The following GPC5 variants were observed in gnomAD, a reference collection of about 807,000 sequenced individuals.
GPC5 encodes the protein glypican-5.
A neutral mutation model predicts 53.9 loss-of-function variants in GPC5; 47 were observed. The ratio of observed to expected loss-of-function variants is 0.87; its 90% confidence interval spans 0.69 to 1.11. The LOEUF (loss-of-function observed/expected upper bound fraction) is 1.11. GPC5 is among the 50% of genes most tolerant of loss of function. GPC5 has a pLI of 0.00. For synonymous variants in GPC5, 286 were observed against 263.3 expected, an observed-to-expected ratio of 1.09 and a Z score of -0.84; for missense variants, 748 against 713.1, an observed-to-expected ratio of 1.05 and a Z score of -0.56.
intron 2 of GPC5, among the ~76,000 whole-genome samples, chr13:91,594,017 A>G (rs1283890102): frequency 6.6e-6 from 1 of 152,056 alleles, no homozygotes; most frequent in African/African-American, 2.4e-5. Context: ...TTCATTTATT[A>G]TGTAATTACC....
At chr13:92,091,383 A>C (rs1347020187) in intron 6 of GPC5, among the ~76,000 whole-genome samples, 1 of 152,160 alleles carries the variant, frequency 6.6e-6, no homozygotes, top group Admixed American at 6.5e-5. Flanking sequence ...TTTCTAATAC[A>C]TCCATATATA....
At chr13:92,398,225 C>T (rs1201105936) in intron 7 of GPC5, among the ~76,000 whole-genome samples, 1 of 151,378 alleles carries the variant, frequency 6.6e-6, no homozygotes, top group Non-Finnish European at 1.5e-5. Flanking sequence ...GTCAGGAGAT[C>T]GAGACCATCC....
intron 2 of GPC5, among the ~76,000 whole-genome samples, chr13:91,664,834 T>G (rs553988789): frequency 1.3e-5 from 2 of 152,348 alleles, no homozygotes; most frequent in African/African-American, 4.8e-5. Flanking sequence ...CAAGCTTTGC[T>G]TATACTCCTT....
At chr13:91,990,953 C>T (rs936219466) in intron 6 of GPC5, among the ~76,000 whole-genome samples, 1 of 152,116 alleles carries the variant, frequency 6.6e-6, no homozygotes, top group African/African-American at 2.4e-5. Context: ...ATTGTGTTTA[C>T]CGAAATTATG....
At chr13:92,333,962 C>A (rs1216268046) in intron 7 of GPC5, among the ~76,000 whole-genome samples, 3 of 151,698 alleles carry the variant, frequency 2.0e-5, no homozygotes, top group Admixed American at 6.6e-5. Flanking sequence ...ACAAAACAAA[C>A]AAAAAAACCA....
intron 7 of GPC5, among the ~76,000 whole-genome samples, chr13:92,699,894 T>C (rs1012352697): frequency 2.0e-5 from 3 of 152,214 alleles, no homozygotes; most frequent in Admixed American, 2.0e-4. Context: ...CTGAGAAGAA[T>C]GTATATTCTG....
At chr13:91,452,138 C>A (rs1403878760) in intron 2 of GPC5, among the ~76,000 whole-genome samples, 2 of 151,988 alleles carry the variant, frequency 1.3e-5, no homozygotes, top group Non-Finnish European at 2.9e-5. Context: ...GCTCATGACA[C>A]CTTGCCTGGC....
intron 6 of GPC5, among the ~76,000 whole-genome samples, chr13:92,082,680 A>G (rs1159534225): frequency 2.0e-5 from 3 of 152,208 alleles, no homozygotes; most frequent in African/African-American, 7.2e-5. Flanking sequence ...ATTGATAAAT[A>G]AGAGTTTAAA....
intron 2 of GPC5, among the ~76,000 whole-genome samples, chr13:91,644,851 A>T (rs1254506638): frequency 6.6e-6 from 1 of 152,226 alleles, no homozygotes; most frequent in Non-Finnish European, 1.5e-5. Context: ...AAGCACTGGA[A>T]TGAGTTTTGG....
At chr13:92,347,215 C>G (rs79644160) in intron 7 of GPC5, among the ~76,000 whole-genome samples, 2,694 of 152,222 alleles carry the variant, frequency 0.018, 92 homozygotes, top group African/African-American at 0.062. Context: ...CACTCAAATA[C>G]AACTGAAAGA....
chr13:91,591,513 C>T (rs1001862565), intron 2 of GPC5, among the ~76,000 whole-genome samples: 3 of 152,190 alleles, frequency 2.0e-5, no homozygotes, highest in African/African-American at 7.2e-5. Context: ...TTTTCACAAA[C>T]TGTATCCTCA....
intron 5 of GPC5, among the ~76,000 whole-genome samples, chr13:91,844,512 A>G (rs1433526673): frequency 6.6e-6 from 1 of 152,180 alleles, no homozygotes; most frequent in Admixed American, 6.5e-5. Context: ...CCTGGGCTGT[A>G]GAACCGTACA....
chr13:91,693,669 T>A lies in GPC5; in HGVS notation c.808T>A (p.Cys270Ser), dbSNP rs773058611. 1.9e-6 allele frequency: 3 copies of A among 1,614,130 alleles called. No individual in the cohort carries two copies. The highest frequency in any genetic ancestry group is 2.2e-5 in the South Asian group (2 of 91,076). Residue 270 changes from cysteine (C) to serine (S), a missense_variant, in exon 3 of 8, where the codon TGT (cysteine) becomes AGT (serine). By Grantham distance (112) the Cys-to-Ser change is moderately radical (BLOSUM62 -1). Coordinates refer to ENST00000377067, the MANE Select transcript of GPC5 (RefSeq NM_004466.6). ...CCAAGGCCTGGCGCTCACTAAGCCT[T>A]GTATGGGATACTGCCTCAATGTCAT... ...HCQGLALTKP[C>S]MGYCLNVMRG...
intron 7 of GPC5, among the ~76,000 whole-genome samples, chr13:92,467,665 T>C (rs749354073): frequency 7.9e-5 from 12 of 152,098 alleles, no homozygotes; most frequent in Admixed American, 2.6e-4. Flanking sequence ...AAAACTAGCA[T>C]GTAAAAGAGG....
chr13:91,930,506 A>G (rs1393412650), intron 6 of GPC5, among the ~76,000 whole-genome samples: 2 of 152,056 alleles, frequency 1.3e-5, no homozygotes, highest in Non-Finnish European at 2.9e-5. Context: ...TACCGTAGAT[A>G]AACAATTCAG....
intron 6 of GPC5, among the ~76,000 whole-genome samples, chr13:91,983,102 T>C (rs1238035292): frequency 6.6e-6 from 1 of 151,790 alleles, no homozygotes; most frequent in Non-Finnish European, 1.5e-5. Flanking sequence ...TCCCAGCACT[T>C]TGGGATGCCG....
At chr13:92,564,200 A>G (rs1299866255) in intron 7 of GPC5, among the ~76,000 whole-genome samples, 1 of 152,012 alleles carries the variant, frequency 6.6e-6, no homozygotes, top group Admixed American at 6.6e-5. Flanking sequence ...TCAAATTGTC[A>G]CTTAGTAAGT....
At chr13:91,415,928 C>A (rs1775754679) in intron 1 of GPC5, among the ~76,000 whole-genome samples, 1 of 152,098 alleles carries the variant, frequency 6.6e-6, no homozygotes, top group Non-Finnish European at 1.5e-5. Flanking sequence ...ATTTTTTTTA[C>A]AAATGTGTTT....
chr13:92,006,573 G>A (rs2040608783), intron 6 of GPC5, among the ~76,000 whole-genome samples: 2 of 152,020 alleles, frequency 1.3e-5, no homozygotes, highest in African/African-American at 2.4e-5. Flanking sequence ...TCCTAATGTC[G>A]ATTCATACCC....
Sources: gnomAD v4.1 joint callset for allele counts (sites outside exome capture counted in the v4.1 genomes callset) on GRCh38, gnomAD v4.1.1 for gene constraint, MANE v1.5 for transcripts, NCBI Gene and HGNC (gene_info 2026-07-23, HGNC 2026-07-21) for gene names.